ACTN1: variants seen among roughly 807,000 people sequenced by gnomAD.
The protein encoded by ACTN1 is actinin alpha 1.
ACTN1 carries 30 observed loss-of-function variants against 119.6 expected under a neutral mutation model. The observed-to-expected ratio is 0.25, with a 90% confidence interval of 0.19 to 0.34. The LOEUF (loss-of-function observed/expected upper bound fraction) is 0.34. Among genes scored for constraint, ACTN1 ranks in the 10% least tolerant of loss-of-function variants. The probability of loss-of-function intolerance (pLI) is 1.00; values close to 1 mark genes in which losing one functional copy is unlikely to be tolerated. For missense variants in ACTN1, 764 were observed against 1,223.4 expected (o/e 0.62, Z 5.60); for synonymous variants, 429 against 472.6 (o/e 0.91, Z 1.20).
intron 1 of ACTN1, among the ~76,000 whole-genome samples, chr14:68,974,866 A>G (rs2037009391): frequency 6.6e-6 from 1 of 152,218 alleles, no homozygotes; most frequent in South Asian, 2.1e-4. Context: ...GAGACCCGAC[A>G]TAGCACATCT....
At chr14:68,890,030 G>A (rs2032350121) in intron 11 of ACTN1, 109 bp downstream of exon 11, 2 of 1,483,002 alleles carry the variant, frequency 1.3e-6, no homozygotes, top group Admixed American at 2.5e-5. Context: ...ACTAGTAAGA[G>A]ACCAAATGAA....
At chr14:68,901,259 T>G (rs1353428412) in intron 8 of ACTN1, among the ~76,000 whole-genome samples, 3 of 146,416 alleles carry the variant, frequency 2.0e-5, no homozygotes, top group African/African-American at 7.6e-5. Context: ...GTTTTTTTTT[T>G]TTTTTTGAGA....
rs577223832 is a variant in ACTN1, at chr14:68,953,038, C to G, written c.105+25914G>C. Among the ~76,000 whole-genome samples, 18 of 152,112 alleles carry G rather than the reference C, an allele frequency of 1.2e-4. 1 individual carries two copies. Among genetic ancestry groups the G allele is most frequent in the Non-Finnish European group, 1.9e-4 (13 of 67,994 alleles). ...AGGGGCATCTGCCACTGGAACGCAG[C>G]CAACCCACAGGGAGTCAGCCTGCGC... On this transcript the variant is annotated intron_variant, in intron 1 of 21. Coordinates refer to ENST00000394419, the MANE Select transcript of ACTN1 (RefSeq NM_001130004.2).
At position 68,916,886 on chromosome 14, in the gene ACTN1, C is replaced by T. The variant is rs559418752; in HGVS notation, c.340+4120G>A. 7.2e-5 allele frequency among the ~76,000 whole-genome samples: 11 copies of T among 152,258 alleles called. No individual in the cohort carries two copies. The East Asian group carries it at 1.4e-3, about 19-fold the overall frequency. ...CACCGTCATCTGTTCAGTATTCAGACGGCAGAATGAATGCTGCAGAAATTC... is the reference window on the plus strand; with the variant it reads ...CACCGTCATCTGTTCAGTATTCAGATGGCAGAATGAATGCTGCAGAAATTC... On this transcript the variant is annotated intron_variant, in intron 3 of 21. Coordinates refer to ENST00000394419, the MANE Select transcript of ACTN1 (RefSeq NM_001130004.2).
intron 2 of ACTN1, among the ~76,000 whole-genome samples, chr14:68,921,962 T>C (rs1481454210): frequency 1.3e-5 from 2 of 152,106 alleles, no homozygotes; most frequent in African/African-American, 4.8e-5. Context: ...GCTCTCCAAA[T>C]ACCCCATTAA....
At chr14:68,902,340 C>T in intron 8 of ACTN1, 137 bp downstream of exon 8, 1 of 732,714 alleles carries the variant, frequency 1.4e-6, no homozygotes, top group East Asian at 2.6e-5. Context: ...CACTTCAGAA[C>T]TAGGGACTGC....
At chr14:68,951,948 T>C (rs1024079323) in intron 1 of ACTN1, among the ~76,000 whole-genome samples, 4 of 152,208 alleles carry the variant, frequency 2.6e-5, no homozygotes, top group Non-Finnish European at 4.4e-5. Flanking sequence ...GAACTTCCCA[T>C]TGGGTCTGAA....
intron 21 of ACTN1, among the ~76,000 whole-genome samples, chr14:68,875,473 G>A (rs971914313): frequency 1.3e-5 from 2 of 152,260 alleles, no homozygotes; most frequent in African/African-American, 4.8e-5. Context: ...CACCATCCAT[G>A]TTTGGGCATC....
At chr14:68,890,958 C>G (rs2032431997) in intron 10 of ACTN1, among the ~76,000 whole-genome samples, 1 of 152,216 alleles carries the variant, frequency 6.6e-6, no homozygotes, top group South Asian at 2.1e-4. Context: ...ACATCTGTCC[C>G]CCAGAAAGGG....
At chr14:68,978,180 C>A (rs773046892) in intron 1 of ACTN1, 2 of 456,166 alleles carry the variant, frequency 4.4e-6, no homozygotes, top group Non-Finnish European at 8.8e-6. Context: ...GACTGACCCT[C>A]GTTCTGCAGC....
rs940645253 is a variant in ACTN1 at position 68,944,665 on chromosome 14, C to T, written c.106-18993G>A. On this transcript the variant is annotated intron_variant, in intron 1 of 21. Coordinates refer to ENST00000394419, the MANE Select transcript of ACTN1 (RefSeq NM_001130004.2). ...AGGACCCTGAACTGATCCTGGGGGGCTGTAGGGGGGCAGTGTGTCTGATCA... is the reference window on the plus strand; with the variant it reads ...AGGACCCTGAACTGATCCTGGGGGGTTGTAGGGGGGCAGTGTGTCTGATCA... 2.6e-5 allele frequency among the ~76,000 whole-genome samples: 4 copies of T among 152,104 alleles called. No individual in the cohort carries two copies. In the East Asian group the frequency reaches 7.7e-4, roughly 29 times the overall value.
In ACTN1 at chr14:68,892,091, G is replaced by A. The variant is rs754253059; in HGVS notation, c.1048C>T (p.Arg350Trp). 13 of 1,613,670 alleles carry A rather than the reference G, an allele frequency of 8.1e-6. No homozygotes were observed. The highest frequency in any genetic ancestry group is 1.1e-5 in the Non-Finnish European group (13 of 1,179,968). Residue 350 changes from arginine (R) to tryptophan (W), a missense_variant, in exon 10 of 22, where the codon CGG (arginine) becomes TGG (tryptophan). This residue lies in a region of ACTN1 where 544 missense variants were observed against 912.0 expected (regional missense o/e 0.60). Coordinates refer to ENST00000394419, the MANE Select transcript of ACTN1 (RefSeq NM_001130004.2). ...CCCTCAGAGGGCATGAAGGCAGGCC[G>A]GTTGCTGAGCCGCAGCTTGGTCTGC... ...TLQTKLRLSN[R>W]PAFMPSEGRM... is the part of the protein sequence containing the mutation.
At chr14:68,881,061 CA>C in intron 16 of ACTN1, 72 bp from the exon 17 acceptor site, 1 of 1,458,634 alleles carries the variant, frequency 6.9e-7, no homozygotes. Flanking sequence ...CTGGGGCCTC[CA>C]AAATCACTTA....
At chr14:68,947,044 G>A (rs1230867048) in intron 1 of ACTN1, among the ~76,000 whole-genome samples, 1 of 152,220 alleles carries the variant, frequency 6.6e-6, no homozygotes, top group Non-Finnish European at 1.5e-5. Context: ...GAATGACACA[G>A]CAACTGGCAG....
chr14:68,912,334 C>T (rs1288070016), intron 3 of ACTN1, 92 bp from the exon 4 acceptor site: 1 of 1,006,736 alleles, frequency 9.9e-7, no homozygotes, highest in Non-Finnish European at 1.6e-6. Context: ...ATGCCCCACG[C>T]TAGGAATCAA....
Position 68,925,601 on chromosome 14 carries a change from G to T in ACTN1, c.177C>A (p.Phe59Leu). Residue 59 changes from phenylalanine (F) to leucine (L), a missense_variant, in exon 2 of 22, where the codon TTC (phenylalanine) becomes TTA (leucine). Transcript: ENST00000394419. This position sits in a 1 kb window ranked among gnomAD's most constrained non-coding sequence, Gnocchi z 4.3. ...GTQIENIEEDFRDGLKLMLLL... is the reference protein window; with the variant it reads ...GTQIENIEEDLRDGLKLMLLL... ...GCAGCATGAGCTTCAGGCCATCCCG[G>T]AAGTCCTCTTCGATGTTCTCGATCT... is the stretch of plus-strand genomic sequence containing the variant. The T allele has an allele frequency of 6.2e-7, 1 of 1,613,576 alleles. No homozygotes were observed. Among genetic ancestry groups the T allele is most frequent in the Non-Finnish European group, 8.5e-7 (1 of 1,179,766 alleles).
intron 1 of ACTN1, among the ~76,000 whole-genome samples, chr14:68,954,516 C>T (rs961216637): frequency 1.9e-4 from 29 of 151,914 alleles, no homozygotes; most frequent in African/African-American, 4.8e-4. Flanking sequence ...TTAGTATAGA[C>T]GGGGTTTCAC....
chr14:68,877,396 G>T, intron 20 of ACTN1, 156 bp from the exon 21 acceptor site: 2 of 840,402 alleles, frequency 2.4e-6, no homozygotes, highest in Non-Finnish European at 3.6e-6. Flanking sequence ...GTATGATGGG[G>T]ACACAACACC....
intron 13 of ACTN1, 116 bp from the exon 14 acceptor site, chr14:68,884,424 A>G: frequency 4.0e-6 from 5 of 1,255,746 alleles, no homozygotes; most frequent in Non-Finnish European, 5.5e-6. Context: ...AATCAGGCAG[A>G]AAGAACAAGC....
Sources: allele counts gnomAD v4.1 joint callset (sites outside exome capture counted in the v4.1 genomes callset), GRCh38; gene constraint gnomAD v4.1.1; regional missense constraint gnomAD v4.1.1; non-coding constraint Gnocchi (gnomAD v3.1); transcripts MANE v1.5; gene names NCBI Gene and HGNC (gene_info 2026-07-23, HGNC 2026-07-21).